The following DGKB variants were observed in gnomAD, a reference collection of about 807,000 sequenced individuals.
DGKB encodes diacylglycerol kinase beta.
In DGKB, 67 loss-of-function variants were observed where a neutral mutation model predicts 114.3. The ratio of observed to expected loss-of-function variants is 0.59; its 90% CI spans 0.48 to 0.72. The LOEUF is 0.72. DGKB is among the 30% of genes least tolerant of loss of function. The pLI is 0.00. For missense variants in DGKB, 907 were observed against 975.2 expected (o/e 0.93, Z 0.93); for synonymous variants, 398 against 323.1 (o/e 1.23, Z -2.49).
At chr7:14,805,691 T>C (rs919797847) in intron 2 of DGKB, among the ~76,000 whole-genome samples, 3 of 151,898 alleles carry the variant, frequency 2.0e-5, no homozygotes, top group African/African-American at 7.2e-5. Flanking sequence ...TTTTAAAATA[T>C]CTAGTTTATC....
chr7:14,607,784 G>T (rs1273869161), intron 16 of DGKB, among the ~76,000 whole-genome samples: 1 of 151,738 alleles, frequency 6.6e-6, no homozygotes. Context: ...ATACATTTAG[G>T]ATATTCTCTA....
intron 4 of DGKB, among the ~76,000 whole-genome samples, chr7:14,737,283 ATTTTTT>A (rs11348925): frequency 1.2e-5 from 1 of 82,504 alleles, no homozygotes; most frequent in Non-Finnish European, 2.4e-5. Context: ...TTGAAGGCCA[ATTTTTT>A]TTTTTTTTTT....
At chr7:14,246,627 C>G (rs2128380041) in intron 23 of DGKB, among the ~76,000 whole-genome samples, 1 of 152,220 alleles carries the variant, frequency 6.6e-6, no homozygotes, top group South Asian at 2.1e-4. Context: ...CTTTGGGTAA[C>G]TTTAGCAAAT....
intron 23 of DGKB, among the ~76,000 whole-genome samples, chr7:14,260,667 G>A (rs925250106): frequency 3.3e-5 from 5 of 152,154 alleles, no homozygotes; most frequent in African/African-American, 1.2e-4. Context: ...TGAGACCTCA[G>A]CTTATTAAAG....
chr7:14,214,445 G>GC (rs1788636391), intron 23 of DGKB, among the ~76,000 whole-genome samples: 1 of 151,956 alleles, frequency 6.6e-6, no homozygotes, highest in Non-Finnish European at 1.5e-5. Context: ...AATCTGCTTT[G>GC]GTTGTAAACT....
chr7:14,191,532 C>T (rs535286837), intron 23 of DGKB: 2 of 192,970 alleles, frequency 1.0e-5, no homozygotes, highest in South Asian at 1.2e-4. Flanking sequence ...TTGTGGTCTG[C>T]CTCTCCAGGA....
chr7:14,719,778 AGTTTTATCATTG>A (rs1477686111), intron 5 of DGKB, among the ~76,000 whole-genome samples: 1 of 152,142 alleles, frequency 6.6e-6, no homozygotes, highest in Non-Finnish European at 1.5e-5. Context: ...GTCCCAAGTT[AGTTTTATCATTG>A]GTGATGTTGT....
intron 16 of DGKB, among the ~76,000 whole-genome samples, chr7:14,612,009 A>C (rs537831786): frequency 5.9e-5 from 9 of 151,780 alleles, no homozygotes; most frequent in Non-Finnish European, 1.5e-5. Context: ...TTATTATTTA[A>C]TGATTATTTT....
intron 21 of DGKB, among the ~76,000 whole-genome samples, chr7:14,451,208 A>G (rs1351753538): frequency 2.0e-5 from 3 of 152,076 alleles, no homozygotes; most frequent in African/African-American, 4.8e-5. Context: ...TATGAATGAG[A>G]TCACCATTTG....
intron 4 of DGKB, among the ~76,000 whole-genome samples, chr7:14,751,097 G>C (rs1456165312): frequency 6.6e-6 from 1 of 151,878 alleles, no homozygotes; most frequent in African/African-American, 2.4e-5. Flanking sequence ...ACAGGTGTGA[G>C]CCACCATACC....
At chr7:14,847,062 G>T (rs766187273) in intron 1 of DGKB, among the ~76,000 whole-genome samples, 2 of 152,054 alleles carry the variant, frequency 1.3e-5, no homozygotes, top group Non-Finnish European at 2.9e-5. Context: ...AGGCCGAGGC[G>T]GGCGGATCAC....
At chr7:14,782,671 A>G (rs714980) in intron 2 of DGKB, among the ~76,000 whole-genome samples, 54,484 of 151,896 alleles carry the variant, frequency 0.36, 13,566 homozygotes, top group African/African-American at 0.7. Flanking sequence ...ATTAAACAGG[A>G]GGGTTGGAGA....
chr7:14,774,191 G>C (rs1354070370), intron 2 of DGKB, among the ~76,000 whole-genome samples: 3 of 152,092 alleles, frequency 2.0e-5, no homozygotes, highest in African/African-American at 4.8e-5. Context: ...TTCTCTAATG[G>C]GAAGAGCCTG....
intron 1 of DGKB, among the ~76,000 whole-genome samples, chr7:14,962,000 T>C (rs576142039): frequency 5.9e-5 from 9 of 152,250 alleles, no homozygotes; most frequent in African/African-American, 1.4e-4. Context: ...CCTCTCAGCC[T>C]TGATATTAAG....
rs191369559 is a variant in DGKB at position 14,416,123 on chromosome 7, T to C, written c.1835+62038A>G. Among the ~76,000 whole-genome samples the C allele has an allele frequency of 8.5e-5, 13 of 152,190 alleles. No individual in the cohort carries two copies. The East Asian group carries it at 1.7e-3, about 20-fold the overall frequency. On this transcript the variant is annotated intron_variant, in intron 21 of 25. Transcript: ENST00000402815. Reference sequence around the variant, plus strand: ...GCCCACTTTTTGATGGGGTTGTTTGTTTTTTTCTTGTAAATTTGTTTGAGT... The same window carrying C: ...GCCCACTTTTTGATGGGGTTGTTTGCTTTTTTCTTGTAAATTTGTTTGAGT...
At chr7:14,652,479 C>T (rs1264689590) in intron 13 of DGKB, among the ~76,000 whole-genome samples, 1 of 152,002 alleles carries the variant, frequency 6.6e-6, no homozygotes, top group Non-Finnish European at 1.5e-5. Context: ...CCCTTCCTTA[C>T]ACCTTATTCA....
At chr7:14,520,196 T>C (rs1432638273) in intron 20 of DGKB, among the ~76,000 whole-genome samples, 1 of 146,344 alleles carries the variant, frequency 6.8e-6, no homozygotes, top group Non-Finnish European at 1.5e-5. Flanking sequence ...TTATTGACTT[T>C]TATCTTTTTT....
chr7:14,788,395 G>A (rs778446720), intron 2 of DGKB, among the ~76,000 whole-genome samples: 3 of 152,138 alleles, frequency 2.0e-5, no homozygotes, highest in Non-Finnish European at 4.4e-5. Flanking sequence ...ACATCTTGGG[G>A]TCTTGCTAAT....
At chr7:14,368,143 A>G (rs944446590) in intron 21 of DGKB, among the ~76,000 whole-genome samples, 3 of 150,632 alleles carry the variant, frequency 2.0e-5, no homozygotes, top group African/African-American at 7.3e-5. Flanking sequence ...CTACCCCCAC[A>G]TATGCACAGT....
Sources: allele counts gnomAD v4.1 joint callset (sites outside exome capture counted in the v4.1 genomes callset), GRCh38; gene constraint gnomAD v4.1.1; transcripts MANE v1.5; gene names NCBI Gene and HGNC (gene_info 2026-07-23, HGNC 2026-07-21).